Variants in GRIA1 observed in about 807,000 individuals in gnomAD.
GRIA1 encodes glutamate ionotropic receptor AMPA type subunit 1.
A neutral mutation model predicts 99.2 loss-of-function variants in GRIA1; 31 were observed. That is an observed-to-expected ratio of 0.31 (90% CI 0.23 to 0.42). The LOEUF (loss-of-function observed/expected upper bound fraction) is 0.42, where lower values mean the gene tolerates loss of function less well. Ranked by LOEUF, GRIA1 falls within the 10% of genes least tolerant of loss-of-function variation. The pLI is 1.00. For missense variants in GRIA1, 782 were observed against 1,157.5 expected, an observed-to-expected ratio of 0.68 and a Z score of 4.71; for synonymous variants, 438 against 432.4, an observed-to-expected ratio of 1.01 and a Z score of -0.16.
chr5:153,716,277 C>A (rs1416438782), intron 11 of GRIA1, among the ~76,000 whole-genome samples: 1 of 152,176 alleles, frequency 6.6e-6, no homozygotes, highest in African/African-American at 2.4e-5. Flanking sequence ...GGGTACCCAG[C>A]AGGGCTGAGA....
At chr5:153,809,315 C>T (rs1766652926) in intron 15 of GRIA1, among the ~76,000 whole-genome samples, 1 of 152,158 alleles carries the variant, frequency 6.6e-6, no homozygotes, top group Non-Finnish European at 1.5e-5. Context: ...CCAGGTCACA[C>T]TTTTTCTTCA....
intron 2 of GRIA1, among the ~76,000 whole-genome samples, chr5:153,525,751 A>C (rs1240411245): frequency 6.6e-6 from 1 of 152,112 alleles, no homozygotes; most frequent in Non-Finnish European, 1.5e-5. Flanking sequence ...TGGAATACAA[A>C]CCACAACCCT....
chr5:153,679,504 G>A (rs181241221), intron 7 of GRIA1, among the ~76,000 whole-genome samples: 228 of 152,328 alleles, frequency 1.5e-3, no homozygotes, highest in Non-Finnish European at 1.5e-3. Flanking sequence ...GCTTAGTGGC[G>A]GAGGCTGGAC....
At chr5:153,703,643 G>A (rs561035737) in intron 10 of GRIA1, among the ~76,000 whole-genome samples, 1 of 152,246 alleles carries the variant, frequency 6.6e-6, no homozygotes, top group East Asian at 1.9e-4. Context: ...AGGAGGCTGA[G>A]GCATGAGCAT....
intron 2 of GRIA1, among the ~76,000 whole-genome samples, chr5:153,643,309 C>T (rs941059712): frequency 1.3e-5 from 2 of 152,092 alleles, no homozygotes; most frequent in African/African-American, 2.4e-5. Flanking sequence ...CCTAGGAGAG[C>T]GTGGGATTTA....
intron 5 of GRIA1, among the ~76,000 whole-genome samples, chr5:153,658,860 G>A (rs1021288528): frequency 4.6e-5 from 7 of 152,090 alleles, no homozygotes; most frequent in East Asian, 1.9e-4. Flanking sequence ...AGATCACTTC[G>A]GAGGAATGCT....
intron 2 of GRIA1, among the ~76,000 whole-genome samples, chr5:153,603,587 A>G (rs368975110): frequency 2.0e-5 from 3 of 152,238 alleles, no homozygotes; most frequent in East Asian, 1.9e-4. Flanking sequence ...AGGCTTGAGA[A>G]GCTGGAGCCT....
At chr5:153,626,856 T>C (rs941810421) in intron 2 of GRIA1, among the ~76,000 whole-genome samples, 2 of 152,020 alleles carry the variant, frequency 1.3e-5, no homozygotes, top group African/African-American at 4.8e-5. Flanking sequence ...CAAGAGACAG[T>C]AGGAAATACG....
intron 9 of GRIA1, 65 bp downstream of exon 9, chr5:153,698,219 AC>A: frequency 1.2e-6 from 1 of 867,676 alleles, no homozygotes; most frequent in South Asian, 1.6e-5. Context: ...AGGGTTTTCC[AC>A]CAGGACTGAA....
intron 2 of GRIA1, among the ~76,000 whole-genome samples, chr5:153,586,955 A>G (rs1763537494): frequency 6.6e-6 from 1 of 152,198 alleles, no homozygotes; most frequent in African/African-American, 2.4e-5. Context: ...ATCTTGTGAC[A>G]TGTTCTCTGA....
intron 2 of GRIA1, among the ~76,000 whole-genome samples, chr5:153,599,562 A>AATAC (rs1764714796): frequency 6.6e-6 from 1 of 152,226 alleles, no homozygotes; most frequent in South Asian, 2.1e-4. Flanking sequence ...TATAATACCT[A>AATAC]ATACAATGTA....
intron 2 of GRIA1, among the ~76,000 whole-genome samples, chr5:153,596,903 C>A (rs1431437764): frequency 6.6e-6 from 1 of 152,220 alleles, no homozygotes; most frequent in Non-Finnish European, 1.5e-5. Context: ...CAAGCCGGTG[C>A]TAGTGCCACT....
intron 14 of GRIA1, among the ~76,000 whole-genome samples, chr5:153,801,909 T>C (rs572019080): frequency 1.5e-3 from 177 of 116,486 alleles, no homozygotes; most frequent in Non-Finnish European, 2.3e-3. Flanking sequence ...ACATAAACAA[T>C]GAGTGAGGCC....
At chr5:153,562,895 C>A (rs564889909) in intron 2 of GRIA1, among the ~76,000 whole-genome samples, 5 of 152,166 alleles carry the variant, frequency 3.3e-5, no homozygotes, top group Admixed American at 1.3e-4. Context: ...ATCCTGCTTG[C>A]GGCCAGGCAC....
intron 5 of GRIA1, among the ~76,000 whole-genome samples, chr5:153,664,433 T>C (rs968483913): frequency 6.6e-6 from 1 of 152,070 alleles, no homozygotes; most frequent in Non-Finnish European, 1.5e-5. Context: ...GCAGTAACCC[T>C]CTGTGGCTCT....
intron 2 of GRIA1, among the ~76,000 whole-genome samples, chr5:153,567,141 G>A (rs1029319187): frequency 6.6e-6 from 1 of 152,122 alleles, no homozygotes; most frequent in Non-Finnish European, 1.5e-5. Context: ...TTTATGTGCA[G>A]TACTCACTTC....
At chr5:153,798,165 C>T (rs562493653) in intron 14 of GRIA1, among the ~76,000 whole-genome samples, 1 of 152,298 alleles carries the variant, frequency 6.6e-6, no homozygotes, top group South Asian at 2.1e-4. Context: ...CTTTTGACAG[C>T]TGTTTATTTA....
At chr5:153,607,040 A>AAG (rs1291812313) in intron 2 of GRIA1, among the ~76,000 whole-genome samples, 11 of 68,992 alleles carry the variant, frequency 1.6e-4, no homozygotes, top group South Asian at 9.5e-4. Flanking sequence ...CATATCACAA[A>AAG]AGATATATAT....
At chr5:153,664,422 G>A (rs1755596363) in intron 5 of GRIA1, among the ~76,000 whole-genome samples, 1 of 152,086 alleles carries the variant, frequency 6.6e-6, no homozygotes, top group South Asian at 2.1e-4. Context: ...TGTGACAGAG[G>A]GCAGTAACCC....
Sources: allele counts gnomAD v4.1 joint callset (sites outside exome capture counted in the v4.1 genomes callset), GRCh38; gene constraint gnomAD v4.1.1; transcripts MANE v1.5; gene names NCBI Gene and HGNC (gene_info 2026-07-23, HGNC 2026-07-21).